KIF26B: variants seen among roughly 807,000 people sequenced by gnomAD.
The protein encoded by KIF26B is kinesin-like protein KIF26B.
A neutral mutation model predicts 151.2 loss-of-function variants in KIF26B; 63 were observed. That is an observed-to-expected ratio of 0.42 (90% CI 0.34 to 0.51). KIF26B has a LOEUF of 0.51. Ranked by LOEUF, KIF26B falls within the 20% of genes least tolerant of loss-of-function variation. The pLI is 0.07. For missense variants in KIF26B, 2,813 were observed against 2,913.6 expected, an observed-to-expected ratio of 0.97 and a Z score of 0.79; for synonymous variants, 1,357 against 1,262.1, an observed-to-expected ratio of 1.08 and a Z score of -1.59.
intron 2 of KIF26B, among the ~76,000 whole-genome samples, chr1:245,210,749 C>A (rs1669503867): frequency 1.3e-5 from 2 of 152,060 alleles, no homozygotes. Flanking sequence ...GTGGGGAGAT[C>A]AGCCAGTTCC....
chr1:245,382,041 CAT>C (rs1351813692), intron 3 of KIF26B, among the ~76,000 whole-genome samples: 2 of 152,186 alleles, frequency 1.3e-5, no homozygotes, highest in Non-Finnish European at 2.9e-5. Flanking sequence ...TGGGTATACA[CAT>C]GTTTCTTTGA....
intron 2 of KIF26B, among the ~76,000 whole-genome samples, chr1:245,332,930 G>T (rs562956807): frequency 6.6e-6 from 1 of 152,256 alleles, no homozygotes; most frequent in Admixed American, 6.5e-5. Flanking sequence ...TTTTCAATGG[G>T]TCTCTCCAAA....
chr1:245,590,097 C>G (rs1300303786), intron 5 of KIF26B, among the ~76,000 whole-genome samples: 1 of 151,966 alleles, frequency 6.6e-6, no homozygotes, highest in Non-Finnish European at 1.5e-5. Flanking sequence ...TAACAATAAG[C>G]CGCCTCTGTG....
At chr1:245,286,882 C>T (rs1467280909) in intron 2 of KIF26B, among the ~76,000 whole-genome samples, 1 of 152,106 alleles carries the variant, frequency 6.6e-6, no homozygotes, top group Non-Finnish European at 1.5e-5. Context: ...CCGAGATAAG[C>T]AGATCACTTG....
chr1:245,390,151 G>T (rs1377799599), intron 3 of KIF26B, among the ~76,000 whole-genome samples: 1 of 146,788 alleles, frequency 6.8e-6, no homozygotes, highest in African/African-American at 2.5e-5. Context: ...ATTACTCATT[G>T]TCATATATTT....
At chr1:245,426,837 G>T (rs1423811384) in intron 4 of KIF26B, among the ~76,000 whole-genome samples, 1 of 152,196 alleles carries the variant, frequency 6.6e-6, no homozygotes, top group Admixed American at 6.5e-5. Flanking sequence ...CTGGTCTGAT[G>T]ACCATTATTG....
intron 5 of KIF26B, among the ~76,000 whole-genome samples, chr1:245,578,728 C>T (rs1363962176): frequency 6.6e-6 from 1 of 152,182 alleles, no homozygotes; most frequent in East Asian, 1.9e-4. Context: ...CCGATTTTAA[C>T]ATTTGTTTTT....
intron 4 of KIF26B, among the ~76,000 whole-genome samples, chr1:245,470,498 T>C (rs1293505911): frequency 1.3e-5 from 2 of 152,186 alleles, no homozygotes; most frequent in African/African-American, 4.8e-5. Flanking sequence ...TGGTGCGATC[T>C]CGGCTCACTG....
At chr1:245,391,601 T>C (rs774226212) in intron 3 of KIF26B, among the ~76,000 whole-genome samples, 56 of 150,648 alleles carry the variant, frequency 3.7e-4, no homozygotes, top group Non-Finnish European at 4.3e-4. Context: ...CGGTCATGCC[T>C]TCCAAGATCA....
rs563787041 is a variant in KIF26B, at chr1:245,556,380, T to C, written c.1350+15430T>C. ...CCTCCTCCTTCTTCTTCTTCCTCCTTCTTCTTCTTCCTTCTTTCTTCTTTC... is the reference window on the plus strand; with the variant it reads ...CCTCCTCCTTCTTCTTCTTCCTCCTCCTTCTTCTTCCTTCTTTCTTCTTTC... On this transcript the variant is annotated intron_variant, in intron 5 of 14. Coordinates refer to ENST00000407071, the MANE Select transcript of KIF26B (RefSeq NM_018012.4). Among the ~76,000 whole-genome samples, 119 of 138,904 alleles carry C rather than the reference T, an allele frequency of 8.6e-4. 3 individuals carry two copies. The South Asian group carries it at 0.024, about 28-fold the overall frequency. 91.1% of individuals were successfully genotyped at this position (138,904 alleles called of 152,430 possible). A position where few individuals can be genotyped will look rare whatever the true frequency, so the allele number is the denominator to read the frequency against.
chr1:245,274,629 T>C (rs1356027242), intron 2 of KIF26B, among the ~76,000 whole-genome samples: 1 of 152,224 alleles, frequency 6.6e-6, no homozygotes, highest in Admixed American at 6.5e-5. Context: ...CAGTCTATCA[T>C]TGTTGGGCAT....
chr1:245,340,030 G>A (rs983785516), intron 2 of KIF26B, among the ~76,000 whole-genome samples: 5 of 152,202 alleles, frequency 3.3e-5, no homozygotes, highest in Admixed American at 2.0e-4. Context: ...TGGAAGGTAT[G>A]AGGAGTCGTC....
At chr1:245,267,937 G>A (rs1670777509) in intron 2 of KIF26B, among the ~76,000 whole-genome samples, 1 of 152,110 alleles carries the variant, frequency 6.6e-6, no homozygotes, top group Non-Finnish European at 1.5e-5. Context: ...TTATAGCCCA[G>A]CTTTTTATTG....
At chr1:245,206,047 A>C (rs996586191) in intron 2 of KIF26B, among the ~76,000 whole-genome samples, 2 of 151,898 alleles carry the variant, frequency 1.3e-5, no homozygotes, top group African/African-American at 4.8e-5. Context: ...CCCCAAGGAG[A>C]CTTTTCTGAT....
intron 2 of KIF26B, among the ~76,000 whole-genome samples, chr1:245,275,916 T>A (rs1670927935): frequency 6.6e-6 from 1 of 152,194 alleles, no homozygotes; most frequent in Non-Finnish European, 1.5e-5. Context: ...TTGACAGGTT[T>A]TTATTCTTTC....
chr1:245,181,315 G>A (rs1401906714), intron 2 of KIF26B, among the ~76,000 whole-genome samples: 9 of 152,094 alleles, frequency 5.9e-5, no homozygotes. Context: ...AAGGCGGCGT[G>A]TTCTGTTGCT....
Position 245,620,736 on chromosome 1 carries a change from G to A in KIF26B, c.2098+8760G>A, listed in dbSNP as rs115879262. Reference sequence around the variant, plus strand: ...TCATTTTTTATCACATCTTTTCAAAGCATTGAGTTGAGTTTTTATAAAAAC... The same window carrying A: ...TCATTTTTTATCACATCTTTTCAAAACATTGAGTTGAGTTTTTATAAAAAC... On this transcript the variant is annotated intron_variant, in intron 9 of 14. Transcript: ENST00000407071. 3.2e-3 allele frequency among the ~76,000 whole-genome samples: 486 copies of A among 152,190 alleles called. 2 individuals are homozygous for A. The highest frequency in any genetic ancestry group is 0.011 in the African/African-American group (441 of 41,516).
chr1:245,615,621 T>C (rs1466905099), intron 9 of KIF26B, among the ~76,000 whole-genome samples: 1 of 152,182 alleles, frequency 6.6e-6, no homozygotes, highest in Non-Finnish European at 1.5e-5. Flanking sequence ...GAGAATTGCT[T>C]TTAAATAATG....
intron 3 of KIF26B, among the ~76,000 whole-genome samples, chr1:245,413,610 C>T (rs1558156291): frequency 6.6e-6 from 1 of 152,190 alleles, no homozygotes; most frequent in Non-Finnish European, 1.5e-5. Context: ...TTGCAGTGAG[C>T]CGAGATTGCA....
Sources: allele counts gnomAD v4.1 joint callset (sites outside exome capture counted in the v4.1 genomes callset), GRCh38; gene constraint gnomAD v4.1.1; transcripts MANE v1.5; gene names NCBI Gene and HGNC (gene_info 2026-07-23, HGNC 2026-07-21).